The following ROBO1 variants were observed in gnomAD, a reference collection of about 807,000 sequenced individuals.
ROBO1 encodes roundabout guidance receptor 1.
A neutral mutation model predicts 195.9 loss-of-function variants in ROBO1; 149 were observed. The observed-to-expected ratio is 0.76, with a 90% CI of 0.67 to 0.87. The LOEUF is 0.87. Ranked by LOEUF, ROBO1 falls within the 40% of genes least tolerant of loss-of-function variation. The probability of loss-of-function intolerance (pLI) is 0.00; values close to 1 mark genes in which losing one functional copy is unlikely to be tolerated. For synonymous variants in ROBO1, 816 were observed against 733.2 expected, an observed-to-expected ratio of 1.11 and a Z score of -1.82; for missense variants, 1,933 against 2,068.3, an observed-to-expected ratio of 0.93 and a Z score of 1.27.
chr3:79,528,178 A>G (rs1202292167), intron 2 of ROBO1, among the ~76,000 whole-genome samples: 1 of 152,192 alleles, frequency 6.6e-6, no homozygotes, highest in East Asian at 1.9e-4. Flanking sequence ...ATTATATTAA[A>G]ACAAAGAAAT....
chr3:78,848,571 G>C (rs529430878), intron 4 of ROBO1, among the ~76,000 whole-genome samples: 2 of 152,232 alleles, frequency 1.3e-5, no homozygotes, highest in South Asian at 4.1e-4. Context: ...GAAGGGAGGG[G>C]CCAAGTGGGC....
intron 3 of ROBO1, among the ~76,000 whole-genome samples, chr3:79,090,741 T>C (rs1282360334): frequency 6.6e-6 from 1 of 152,150 alleles, no homozygotes; most frequent in Non-Finnish European, 1.5e-5. Flanking sequence ...GTTGAGATTG[T>C]TGAATAAAGC....
chr3:79,562,250 C>T lies in ROBO1; in HGVS notation c.88+27574G>A, dbSNP rs113447815. 4.2e-3 allele frequency among the ~76,000 whole-genome samples: 637 copies of T among 151,900 alleles called. 2 individuals are homozygous for T. The highest frequency in any genetic ancestry group is 0.015 in the African/African-American group (611 of 41,444). On this transcript the variant is annotated intron_variant, in intron 2 of 30. Transcript: ENST00000464233. Reference sequence around the variant, plus strand: ...AACTTACTTTTTCCTAAAATCATGCCTACTTTAATATTATAAACACTATGT... The same window carrying T: ...AACTTACTTTTTCCTAAAATCATGCTTACTTTAATATTATAAACACTATGT...
At chr3:79,268,191 A>C (rs2030166983) in intron 2 of ROBO1, among the ~76,000 whole-genome samples, 1 of 151,628 alleles carries the variant, frequency 6.6e-6, no homozygotes, top group Non-Finnish European at 1.5e-5. Flanking sequence ...CATTGGAAGT[A>C]AGCCTTAAAA....
At chr3:78,966,684 T>C (rs548514500) in intron 3 of ROBO1, among the ~76,000 whole-genome samples, 1 of 152,338 alleles carries the variant, frequency 6.6e-6, no homozygotes, top group Admixed American at 6.5e-5. Context: ...TAAATACAAT[T>C]GGCACCTCTT....
At chr3:79,617,471 T>A (rs1040782109) in intron 1 of ROBO1, among the ~76,000 whole-genome samples, 7 of 152,032 alleles carry the variant, frequency 4.6e-5, no homozygotes, top group Non-Finnish European at 1.0e-4. Context: ...TAAAAAGGAA[T>A]AAATATGAAG....
At chr3:78,897,134 A>C (rs1313094692) in intron 4 of ROBO1, among the ~76,000 whole-genome samples, 1 of 152,084 alleles carries the variant, frequency 6.6e-6, no homozygotes, top group African/African-American at 2.4e-5. Flanking sequence ...ACAGTATCTC[A>C]CCCTCCTTAT....
At chr3:78,869,386 T>G (rs1204777371) in intron 4 of ROBO1, among the ~76,000 whole-genome samples, 1 of 152,208 alleles carries the variant, frequency 6.6e-6, no homozygotes, top group Non-Finnish European at 1.5e-5. Context: ...TCTTTCTTTA[T>G]GTATGCTACA....
chr3:79,405,202 A>G (rs2037500631), intron 2 of ROBO1, among the ~76,000 whole-genome samples: 1 of 152,176 alleles, frequency 6.6e-6, no homozygotes, highest in African/African-American at 2.4e-5. Flanking sequence ...GAGTTTCACT[A>G]TGATGTACTA....
intron 2 of ROBO1, among the ~76,000 whole-genome samples, chr3:79,407,090 TTG>T (rs757221006): frequency 1.3e-5 from 2 of 151,960 alleles, no homozygotes; most frequent in Non-Finnish European, 2.9e-5. Context: ...TGCTAATTTT[TTG>T]TGTGTGTGTA....
In ROBO1 at chr3:79,047,660, T is replaced by C. The variant is rs189863380; in HGVS notation, c.172+77796A>G. Among the ~76,000 whole-genome samples the C allele has an allele frequency of 6.3e-3, 958 of 152,238 alleles. 6 individuals are homozygous for C. The highest frequency in any genetic ancestry group is 0.019 in the African/African-American group (803 of 41,564). On this transcript the variant is annotated intron_variant, in intron 3 of 30. Coordinates refer to ENST00000464233, the MANE Select transcript of ROBO1 (RefSeq NM_002941.4). Reference sequence around the variant, plus strand: ...GTTACATAGCCATACACATTTAGTATAGAATAAGCCACAGAGAATTAATAG... The same window carrying C: ...GTTACATAGCCATACACATTTAGTACAGAATAAGCCACAGAGAATTAATAG...
At chr3:79,105,418 A>C (rs1431843449) in intron 3 of ROBO1, among the ~76,000 whole-genome samples, 1 of 151,714 alleles carries the variant, frequency 6.6e-6, no homozygotes, top group Non-Finnish European at 1.5e-5. Flanking sequence ...ACGATTGTAC[A>C]CCTGTTAGTC....
chr3:79,437,766 T>G (rs916244745), intron 2 of ROBO1, among the ~76,000 whole-genome samples: 1 of 151,700 alleles, frequency 6.6e-6, no homozygotes, highest in Non-Finnish European at 1.5e-5. Flanking sequence ...GTGATGAGAG[T>G]GGGGCAGAGG....
At chr3:79,252,812 T>A (rs1559766899) in intron 2 of ROBO1, among the ~76,000 whole-genome samples, 1 of 152,152 alleles carries the variant, frequency 6.6e-6, no homozygotes, top group Non-Finnish European at 1.5e-5. Context: ...AATCATAAAA[T>A]GCAGGCCACA....
intron 2 of ROBO1, among the ~76,000 whole-genome samples, chr3:79,297,589 A>T (rs925930580): frequency 6.6e-6 from 1 of 152,142 alleles, no homozygotes; most frequent in Non-Finnish European, 1.5e-5. Flanking sequence ...CTCACTCTGA[A>T]ATTAAAAACA....
intron 4 of ROBO1, among the ~76,000 whole-genome samples, chr3:78,927,244 G>A (rs2039274378): frequency 6.6e-6 from 1 of 152,114 alleles, no homozygotes; most frequent in Admixed American, 6.6e-5. Flanking sequence ...AAACATTCCT[G>A]GAAGACAAAA....
At chr3:78,907,175 G>A (rs2037973286) in intron 4 of ROBO1, among the ~76,000 whole-genome samples, 1 of 151,996 alleles carries the variant, frequency 6.6e-6, no homozygotes, top group African/African-American at 2.4e-5. Context: ...GCAATGTTAT[G>A]TTAAAATCTA....
At chr3:78,699,631 G>A (rs116440531) in intron 8 of ROBO1, among the ~76,000 whole-genome samples, 1,606 of 151,276 alleles carry the variant, frequency 0.011, 35 homozygotes, top group African/African-American at 0.037. Flanking sequence ...TTGTTTTTAC[G>A]TTTTGTTTTT....
intron 1 of ROBO1, among the ~76,000 whole-genome samples, chr3:79,764,478 T>C (rs1704877213): frequency 6.6e-6 from 1 of 152,190 alleles, no homozygotes; most frequent in Admixed American, 6.5e-5. Context: ...TGGTGGAAGC[T>C]CACCTCAAGA....
Sources: allele counts gnomAD v4.1 joint callset (sites outside exome capture counted in the v4.1 genomes callset), GRCh38; gene constraint gnomAD v4.1.1; transcripts MANE v1.5; gene names NCBI Gene and HGNC (gene_info 2026-07-23, HGNC 2026-07-21).